Variants in MECOM observed in about 807,000 individuals in gnomAD.
MECOM encodes MDS1 and EVI1 complex locus.
In MECOM, 13 loss-of-function variants were observed where a neutral mutation model predicts 116.3. The observed-to-expected ratio is 0.11, with a 90% CI of 0.07 to 0.18. MECOM has a LOEUF of 0.18. Ranked by LOEUF, MECOM falls within the 10% of genes least tolerant of loss-of-function variation. The pLI, the probability that MECOM is intolerant of heterozygous loss-of-function variation, is 1.00. For synonymous variants in MECOM, 528 were observed against 535.2 expected, an observed-to-expected ratio of 0.99 and a Z score of 0.19; for missense variants, 1,299 against 1,509.0, an observed-to-expected ratio of 0.86 and a Z score of 2.31.
Position 169,135,726 on chromosome 3 carries a change from T to C in MECOM, c.511-4195A>G, listed in dbSNP as rs115542007. Among the ~76,000 whole-genome samples the C allele has an allele frequency of 9.8e-3, 1,492 of 152,018 alleles. 22 individuals are homozygous for C. Among genetic ancestry groups the C allele is most frequent in the African/African-American group, 0.033 (1,390 of 41,554 alleles). Reference sequence around the variant, plus strand: ...AAATTTTCCCAGTATCTTGCTAGACTCTTTTTATTTTTCTATGAAGCAATA... The same window carrying C: ...AAATTTTCCCAGTATCTTGCTAGACCCTTTTTATTTTTCTATGAAGCAATA... On this transcript the variant is annotated intron_variant, in intron 3 of 16. Coordinates refer to ENST00000651503, the MANE Select transcript of MECOM (RefSeq NM_004991.4).
intron 2 of MECOM, among the ~76,000 whole-genome samples, chr3:169,287,067 C>T (rs1713472979): frequency 2.0e-5 from 3 of 152,168 alleles, no homozygotes; most frequent in Non-Finnish European, 4.4e-5. Flanking sequence ...AGCTGGAGTC[C>T]TATTTCCTGG....
At chr3:169,493,426 A>G (rs535907278) in intron 1 of MECOM, among the ~76,000 whole-genome samples, 1 of 152,278 alleles carries the variant, frequency 6.6e-6, no homozygotes, top group East Asian at 1.9e-4. Context: ...ACCAGTAACA[A>G]AACCACATTG....
chr3:169,085,099 G>A, intron 16 of MECOM, 56 bp from the exon 17 acceptor site: 1 of 1,603,562 alleles, frequency 6.2e-7, no homozygotes. Flanking sequence ...ATCACTTTTA[G>A]TTCAAAGAAT....
intron 2 of MECOM, among the ~76,000 whole-genome samples, chr3:169,345,271 C>CGT (rs1372272275): frequency 6.6e-6 from 1 of 152,056 alleles, no homozygotes; most frequent in Non-Finnish European, 1.5e-5. Context: ...CGATAAAAGA[C>CGT]AGCTTCTGGC....
At chr3:169,433,033 G>A (rs1741896396) in intron 1 of MECOM, among the ~76,000 whole-genome samples, 1 of 152,160 alleles carries the variant, frequency 6.6e-6, no homozygotes, top group South Asian at 2.1e-4. Context: ...CTGAAGCTGT[G>A]TAAACTCAAC....
chr3:169,366,027 T>G (rs1435742448), intron 2 of MECOM, among the ~76,000 whole-genome samples: 1 of 152,062 alleles, frequency 6.6e-6, no homozygotes, highest in Non-Finnish European at 1.5e-5. Context: ...AGCTCTACAC[T>G]GCTGACTTAG....
At position 169,381,106 on chromosome 3, in the gene MECOM, G is replaced by T. The variant is rs1327234114; in HGVS notation, c.375+81C>A. The T allele has an allele frequency of 2.0e-5, 24 of 1,202,098 alleles. No individual in the cohort carries two copies. In the East Asian group the frequency reaches 3.3e-4, roughly 17 times the overall value. 74.5% of individuals were successfully genotyped at this position (1,202,098 alleles called of 1,614,324 possible). A position where few individuals can be genotyped will look rare whatever the true frequency, so the allele number is the denominator to read the frequency against. On this transcript the variant is annotated intron_variant, in intron 2 of 16. Coordinates refer to ENST00000651503, the MANE Select transcript of MECOM (RefSeq NM_004991.4). ...AAACATATTGTAACAAATATAATTT[G>T]CTTATTTTGTGGATGCTTAAACAAT...
At chr3:169,552,506 A>T (rs1437257263) in intron 1 of MECOM, among the ~76,000 whole-genome samples, 1 of 152,178 alleles carries the variant, frequency 6.6e-6, no homozygotes, top group African/African-American at 2.4e-5. Context: ...AGTTAAAAGA[A>T]CAACTCTATA....
chr3:169,394,066 A>G (rs1734645296), intron 1 of MECOM, among the ~76,000 whole-genome samples: 1 of 152,188 alleles, frequency 6.6e-6, no homozygotes, highest in African/African-American at 2.4e-5. Flanking sequence ...AGAATACACA[A>G]TAATTTAACA....
intron 1 of MECOM, among the ~76,000 whole-genome samples, chr3:169,594,176 A>AAC (rs1553894631): frequency 5.7e-5 from 8 of 139,806 alleles, no homozygotes; most frequent in Admixed American, 1.5e-4. Context: ...AAAAAAAAAA[A>AAC]CACCTTTTCA....
chr3:169,453,916 A>G (rs1439859387), intron 1 of MECOM, among the ~76,000 whole-genome samples: 3 of 151,316 alleles, frequency 2.0e-5, no homozygotes, highest in African/African-American at 7.3e-5. Context: ...AAAGCAATGG[A>G]TAATAAAAAA....
intron 16 of MECOM, among the ~76,000 whole-genome samples, chr3:169,087,527 G>A (rs1428803078): frequency 2.0e-5 from 3 of 152,098 alleles, no homozygotes; most frequent in Non-Finnish European, 4.4e-5. Flanking sequence ...AGCCCAGCAA[G>A]TCGAGGCTAT....
At chr3:169,237,696 T>C (rs569761006) in intron 2 of MECOM, among the ~76,000 whole-genome samples, 1 of 151,082 alleles carries the variant, frequency 6.6e-6, no homozygotes, top group South Asian at 2.1e-4. Flanking sequence ...ATGACTATGC[T>C]TCCCAAAAAT....
At chr3:169,288,548 A>T (rs1246680216) in intron 2 of MECOM, among the ~76,000 whole-genome samples, 1 of 152,230 alleles carries the variant, frequency 6.6e-6, no homozygotes, top group Non-Finnish European at 1.5e-5. Flanking sequence ...GTCCTGAACC[A>T]AAACGAGCAG....
At chr3:169,547,711 C>T (rs2880233) in intron 1 of MECOM, among the ~76,000 whole-genome samples, 33,129 of 152,006 alleles carry the variant, frequency 0.22, 4,658 homozygotes, top group East Asian at 0.7. Flanking sequence ...GATCTCAAGA[C>T]TAGATCATCC....
At chr3:169,124,530 T>G (rs1486541373) in intron 5 of MECOM, among the ~76,000 whole-genome samples, 6 of 135,448 alleles carry the variant, frequency 4.4e-5, no homozygotes, top group Non-Finnish European at 9.5e-5. Flanking sequence ...CTGAGGAAAT[T>G]TGTGCTCTTA....
At chr3:169,194,782 G>C (rs10513661) in intron 2 of MECOM, among the ~76,000 whole-genome samples, 50,488 of 151,972 alleles carry the variant, frequency 0.33, 9,314 homozygotes, top group Middle Eastern at 0.56. Flanking sequence ...GAATTAAATA[G>C]AGCATCCGCC....
rs554663595 is a variant in MECOM, at chr3:169,404,799, G to A, written c.38-23275C>T. Among the ~76,000 whole-genome samples the A allele has an allele frequency of 1.4e-4, 22 of 152,262 alleles. 1 individual carries two copies. The South Asian group carries it at 3.3e-3, about 23-fold the overall frequency. ...GATGGATCGCAGCACCACCAAAACC[G>A]TGTGAATTTCCCAAGGCCTCTGATT... On this transcript the variant is annotated intron_variant, in intron 1 of 16. Coordinates refer to ENST00000651503, the MANE Select transcript of MECOM (RefSeq NM_004991.4).
At chr3:169,247,572 G>A (rs1013946912) in intron 2 of MECOM, among the ~76,000 whole-genome samples, 1 of 152,158 alleles carries the variant, frequency 6.6e-6, no homozygotes, top group Non-Finnish European at 1.5e-5. Flanking sequence ...CCAAAGTGCT[G>A]GGATTACAGG....
Sources: allele counts gnomAD v4.1 joint callset (sites outside exome capture counted in the v4.1 genomes callset), GRCh38; gene constraint gnomAD v4.1.1; transcripts MANE v1.5; gene names NCBI Gene and HGNC (gene_info 2026-07-23, HGNC 2026-07-21).